SYBU: variants seen among roughly 807,000 people sequenced by gnomAD.
SYBU encodes the protein syntabulin.
SYBU carries 21 observed loss-of-function variants against 35.9 expected under a neutral mutation model. That is an observed-to-expected ratio of 0.58 (90% confidence interval 0.41 to 0.84). The LOEUF (loss-of-function observed/expected upper bound fraction) is 0.84, where lower values mean the gene tolerates loss of function less well. Ranked by LOEUF, SYBU falls within the 40% of genes least tolerant of loss-of-function variation. The probability of loss-of-function intolerance (pLI) is 0.00; values close to 1 mark genes in which losing one functional copy is unlikely to be tolerated. For synonymous variants in SYBU, 319 were observed against 324.3 expected (o/e 0.98, Z 0.18); for missense variants, 768 against 848.2 (o/e 0.91, Z 1.17).
chr8:109,643,138 G>A, intron 1 of SYBU: 1 of 1,282,272 alleles, frequency 7.8e-7, no homozygotes, highest in Non-Finnish European at 9.8e-7. Flanking sequence ...AATAGCACAT[G>A]TCTGTGTGGC....
rs1183097532 is a variant in SYBU, at chr8:109,644,804, C to T, written c.-145G>A. The T allele has an allele frequency of 5.2e-5, 41 of 786,980 alleles. No homozygotes were observed. The highest frequency in any genetic ancestry group is 7.0e-5 in the Non-Finnish European group (39 of 559,982). 48.7% of individuals were successfully genotyped at this position (786,980 alleles called of 1,614,324 possible). ...TGAGGCTCCAACGCGCCGCCGCCGC[C>T]ACTGCCGCCGATTGCTCTGGGCTCC... On this transcript the variant is annotated 5_prime_UTR_variant, in exon 1 of 7. Coordinates refer to ENST00000276646, the MANE Select transcript of SYBU (RefSeq NM_001099754.2).
At position 109,642,718 on chromosome 8, in the gene SYBU, G is replaced by C. The variant is rs542214316; in HGVS notation, c.229+10C>G. 5.1e-6 allele frequency: 8 copies of C among 1,568,578 alleles called. No individual in the cohort carries two copies. The highest frequency in any genetic ancestry group is 6.9e-6 in the Non-Finnish European group (8 of 1,156,998). On this transcript the variant is annotated intron_variant, in intron 2 of 6. Transcript: ENST00000276646. Reference sequence around the variant, plus strand: ...TTCACGCCTCTGGTGGCCTCCCGAGGGTACTGTACCTGAGCAGAAGCTGTT... The same window carrying C: ...TTCACGCCTCTGGTGGCCTCCCGAGCGTACTGTACCTGAGCAGAAGCTGTT...
At chr8:109,666,300 TA>T (rs1266918567) in intron 1 of SYBU, among the ~76,000 whole-genome samples, 7 of 152,218 alleles carry the variant, frequency 4.6e-5, no homozygotes, top group Non-Finnish European at 1.0e-4. Flanking sequence ...ATTCTTGTGG[TA>T]GGGGCTGTCC....
At chr8:109,669,597 CT>C (rs1271504785) in intron 1 of SYBU, among the ~76,000 whole-genome samples, 4 of 152,254 alleles carry the variant, frequency 2.6e-5, no homozygotes, top group African/African-American at 9.6e-5. Flanking sequence ...TGTAAATTCA[CT>C]TATACCAATT....
At chr8:109,599,508 C>T (rs1262042982) in intron 3 of SYBU, among the ~76,000 whole-genome samples, 2 of 152,194 alleles carry the variant, frequency 1.3e-5, no homozygotes, top group Non-Finnish European at 2.9e-5. Context: ...CCCAGGTGAT[C>T]TTCTACGCAC....
intron 1 of SYBU, among the ~76,000 whole-genome samples, chr8:109,679,311 C>T (rs1288645977): frequency 6.6e-6 from 1 of 152,102 alleles, no homozygotes; most frequent in Admixed American, 6.5e-5. Flanking sequence ...CAAGAAATAG[C>T]CATAAAAATA....
chr8:109,677,898 G>T (rs542784645), intron 1 of SYBU, among the ~76,000 whole-genome samples: 1 of 151,936 alleles, frequency 6.6e-6, no homozygotes, highest in African/African-American at 2.4e-5. Flanking sequence ...ACTTTGGCAG[G>T]GCGAGGTGGG....
At chr8:109,612,271 C>T (rs755066738) in intron 3 of SYBU, among the ~76,000 whole-genome samples, 5 of 152,048 alleles carry the variant, frequency 3.3e-5, no homozygotes, top group Non-Finnish European at 5.9e-5. Flanking sequence ...GATAACTATT[C>T]GTTTAAAAAA....
intron 1 of SYBU, among the ~76,000 whole-genome samples, chr8:109,670,652 A>G (rs1022705726): frequency 1.3e-5 from 2 of 152,042 alleles, no homozygotes; most frequent in Non-Finnish European, 2.9e-5. Context: ...CACTTCTATA[A>G]TTTATCTTTC....
chr8:109,681,754 A>G (rs971293157), upstream of SYBU, among the ~76,000 whole-genome samples: 2 of 152,186 alleles, frequency 1.3e-5, no homozygotes, highest in Non-Finnish European at 2.9e-5. Flanking sequence ...CAGTCACTTC[A>G]TGATATGGTT....
At chr8:109,611,456 C>G (rs1270726037) in intron 3 of SYBU, among the ~76,000 whole-genome samples, 3 of 152,118 alleles carry the variant, frequency 2.0e-5, no homozygotes, top group Non-Finnish European at 1.5e-5. Flanking sequence ...ACACTAAGTC[C>G]ACTTATCACA....
intron 2 of SYBU, among the ~76,000 whole-genome samples, chr8:109,632,359 T>C (rs1813725953): frequency 6.6e-6 from 1 of 152,200 alleles, no homozygotes; most frequent in African/African-American, 2.4e-5. Flanking sequence ...CTAGTTCTTA[T>C]TCTCTTGAAA....
intron 2 of SYBU, among the ~76,000 whole-genome samples, chr8:109,619,574 A>C (rs1812205827): frequency 6.6e-6 from 1 of 152,214 alleles, no homozygotes; most frequent in Non-Finnish European, 1.5e-5. Context: ...TCATTTTGTC[A>C]AAACATAAAG....
chr8:109,661,923 A>G (rs3134317), intron 1 of SYBU, among the ~76,000 whole-genome samples: 47,434 of 152,138 alleles, frequency 0.31, 8,740 homozygotes, highest in East Asian at 0.52. Context: ...TTTTAACTTC[A>G]TTCTCATGCT....
At chr8:109,646,358 A>G (rs1815699073), upstream of SYBU, 1 of 152,174 alleles carries the variant, frequency 6.6e-6, no homozygotes, top group African/African-American at 2.4e-5. Context: ...GCCTAAGAAT[A>G]TATGTTGTGA....
chr8:109,627,310 CTTA>C (rs1813099507), intron 2 of SYBU, among the ~76,000 whole-genome samples: 1 of 152,088 alleles, frequency 6.6e-6, no homozygotes, highest in African/African-American at 2.4e-5. Context: ...TAATATAGCT[CTTA>C]TTATGCTTAT....
intron 2 of SYBU, among the ~76,000 whole-genome samples, chr8:109,631,190 A>C (rs553883119): frequency 2.6e-5 from 4 of 152,256 alleles, no homozygotes; most frequent in African/African-American, 7.2e-5. Context: ...TTTGCAAATG[A>C]AGGTAGTTGT....
chr8:109,599,577 T>A (rs931853987), intron 3 of SYBU, among the ~76,000 whole-genome samples: 6 of 152,224 alleles, frequency 3.9e-5, no homozygotes, highest in African/African-American at 1.4e-4. Context: ...GTCTGTTTAG[T>A]AACTGTGTCA....
In SYBU at chr8:109,641,300, C is replaced by T. The variant is rs771309782; in HGVS notation, c.229+1428G>A. Among the ~76,000 whole-genome samples the T allele has an allele frequency of 2.6e-5, 4 of 152,236 alleles. No individual in the cohort carries two copies. The East Asian group carries it at 5.8e-4, about 22-fold the overall frequency. On this transcript the variant is annotated intron_variant, in intron 2 of 6. Coordinates refer to ENST00000276646, the MANE Select transcript of SYBU (RefSeq NM_001099754.2). ...AACTTTAAGGAAACTTTCTTAATCA[C>T]GTGCCCAAACAGACATCCATAGTTC...
Sources: allele counts gnomAD v4.1 joint callset (sites outside exome capture counted in the v4.1 genomes callset), GRCh38; gene constraint gnomAD v4.1.1; transcripts MANE v1.5; gene names NCBI Gene and HGNC (gene_info 2026-07-23, HGNC 2026-07-21).